Variants in NTNG1 observed in about 807,000 individuals in gnomAD.
The protein encoded by NTNG1 is netrin G1, also known as netrin-G1.
NTNG1 carries 16 observed loss-of-function variants against 54.0 expected under a neutral mutation model. The observed-to-expected ratio is 0.30, with a 90% CI of 0.20 to 0.45. NTNG1 has a LOEUF of 0.45. Among genes scored for constraint, NTNG1 ranks in the 20% least tolerant of loss-of-function variants. The pLI, the probability that NTNG1 is intolerant of heterozygous loss-of-function variation, is 1.00. For missense variants in NTNG1, 530 were observed against 678.7 expected (o/e 0.78, Z 2.43); for synonymous variants, 255 against 263.1 (o/e 0.97, Z 0.30).
intron 7 of NTNG1, among the ~76,000 whole-genome samples, chr1:107,449,003 A>C (rs767251495): frequency 6.6e-6 from 1 of 152,142 alleles, no homozygotes; most frequent in Non-Finnish European, 1.5e-5. Context: ...AGAGAACATA[A>C]AATTTGATGG....
At position 107,193,344 on chromosome 1, in the gene NTNG1, G is replaced by A. The variant is rs114250337; in HGVS notation, c.246+44505G>A. 2.2e-3 allele frequency among the ~76,000 whole-genome samples: 337 copies of A among 152,024 alleles called. 3 individuals are homozygous for A. The highest frequency in any genetic ancestry group is 7.6e-3 in the African/African-American group (314 of 41,508). On this transcript the variant is annotated intron_variant, in intron 2 of 7. Coordinates refer to ENST00000370068, the MANE Select transcript of NTNG1 (RefSeq NM_001113226.3). ...CGGTCATTTTGTGTTCTCCAAGCCT[G>A]GATTCTCATCTGCCAACTGAACACT...
chr1:107,199,279 T>A (rs76938470), intron 2 of NTNG1, among the ~76,000 whole-genome samples: 1 of 22 alleles, frequency 0.045, no homozygotes, highest in Non-Finnish European at 0.5. Context: ...TTATTACTTC[T>A]TTTTTTTTTC....
chr1:107,306,879 C>T (rs1033173388), intron 2 of NTNG1, among the ~76,000 whole-genome samples: 14 of 152,094 alleles, frequency 9.2e-5, no homozygotes, highest in African/African-American at 2.9e-4. Context: ...GGGAGTGAGA[C>T]ATAGTCTTCA....
chr1:107,189,473 G>A (rs1416982869), intron 2 of NTNG1, among the ~76,000 whole-genome samples: 1 of 149,646 alleles, frequency 6.7e-6, no homozygotes, highest in South Asian at 2.1e-4. Context: ...AAAAAAAAAG[G>A]CGGGGGAGGG....
intron 7 of NTNG1, among the ~76,000 whole-genome samples, chr1:107,479,620 T>C (rs966491795): frequency 6.6e-6 from 1 of 152,250 alleles, no homozygotes; most frequent in Non-Finnish European, 1.5e-5. Flanking sequence ...GCTCTTTTAC[T>C]CTTTGTTGTT....
At chr1:107,214,406 A>G (rs1659805778) in intron 2 of NTNG1, among the ~76,000 whole-genome samples, 1 of 152,210 alleles carries the variant, frequency 6.6e-6, no homozygotes, top group Admixed American at 6.5e-5. Flanking sequence ...CACTTAGAAT[A>G]ATGGTCTCCA....
chr1:107,172,348 C>T (rs1656312903), intron 2 of NTNG1, among the ~76,000 whole-genome samples: 6 of 152,162 alleles, frequency 3.9e-5, no homozygotes. Flanking sequence ...CAAACATCAA[C>T]TGCATATCAG....
chr1:107,388,894 C>G (rs774830026), intron 3 of NTNG1, among the ~76,000 whole-genome samples: 2 of 152,206 alleles, frequency 1.3e-5, no homozygotes, highest in African/African-American at 2.4e-5. Flanking sequence ...TAATGTATCA[C>G]TCTTTTAAAA....
At position 107,394,034 on chromosome 1, in the gene NTNG1, AAC is replaced by A. The variant is rs142695081; in HGVS notation, c.888-1103_888-1102del. On this transcript the variant is annotated intron_variant, in intron 3 of 7. Transcript: ENST00000370068. ...TTTCTCTCTCACACACACACACATAAACACACACACACACACACTGTCAATCT... is the reference window on the plus strand; with the variant it reads ...TTTCTCTCTCACACACACACACATAAACACACACACACACACTGTCAATCT... 3.0e-4 allele frequency among the ~76,000 whole-genome samples: 45 copies of A among 149,656 alleles called. 1 individual carries two copies. The highest frequency in any genetic ancestry group is 7.1e-4 in the African/African-American group (29 of 40,978).
At chr1:107,217,886 A>T (rs893441724) in intron 2 of NTNG1, among the ~76,000 whole-genome samples, 1 of 152,188 alleles carries the variant, frequency 6.6e-6, no homozygotes, top group Non-Finnish European at 1.5e-5. Context: ...ATCTTGGACA[A>T]TGTTCCATGG....
rs1164486785 is a variant in NTNG1 at position 107,482,127 on chromosome 1, C to T, written c.*1287C>T. ...TATGCCAAAGCCTGTTGGCAGAGTACTAAGAGACTTTTATTTTTAAGTCAT... is the reference window on the plus strand; with the variant it reads ...TATGCCAAAGCCTGTTGGCAGAGTATTAAGAGACTTTTATTTTTAAGTCAT... On this transcript the variant is annotated 3_prime_UTR_variant, in exon 8 of 8. Transcript: ENST00000370068. 1 of 144,782 alleles carries T rather than the reference C, an allele frequency of 6.9e-6. No individual in the cohort carries two copies. Among genetic ancestry groups the T allele is most frequent in the Non-Finnish European group, 1.5e-5 (1 of 66,682 alleles). The allele number at this position is 144,782 out of a possible 1,614,324, so 9.0% of individuals were successfully genotyped here.
At chr1:107,446,545 G>C (rs1223931316) in intron 7 of NTNG1, among the ~76,000 whole-genome samples, 2 of 152,066 alleles carry the variant, frequency 1.3e-5, no homozygotes, top group Non-Finnish European at 2.9e-5. Context: ...TGTTCAGAAT[G>C]TAGGTTTTTA....
chr1:107,391,146 C>A (rs184355889), intron 3 of NTNG1, among the ~76,000 whole-genome samples: 16 of 152,208 alleles, frequency 1.1e-4, no homozygotes, highest in Admixed American at 9.8e-4. Context: ...GAAGGCAAAG[C>A]TTGAAGAACT....
intron 7 of NTNG1, among the ~76,000 whole-genome samples, chr1:107,456,329 G>A (rs1248189733): frequency 6.6e-6 from 1 of 152,136 alleles, no homozygotes; most frequent in Non-Finnish European, 1.5e-5. Flanking sequence ...ACAAAATGAA[G>A]GCCCTTAGAT....
intron 5 of NTNG1, among the ~76,000 whole-genome samples, chr1:107,418,217 A>C (rs1389858144): frequency 5.3e-5 from 8 of 152,090 alleles, no homozygotes; most frequent in Admixed American, 5.2e-4. Flanking sequence ...TGGAATCCTC[A>C]GGTGAGAAAT....
In NTNG1 at chr1:107,484,438, T is replaced by C. The variant is rs994088920; in HGVS notation, c.*3598T>C. 6.6e-6 allele frequency among the ~76,000 whole-genome samples: 1 copy of C among 152,236 alleles called. No individual in the cohort carries two copies. Among genetic ancestry groups the C allele is most frequent in the African/African-American group, 2.4e-5 (1 of 41,468 alleles). ...AATTTAACAGTTTGTTAGCTTTATGTATGACTTTTAAATACTTAGACATGT... is the reference window on the plus strand; with the variant it reads ...AATTTAACAGTTTGTTAGCTTTATGCATGACTTTTAAATACTTAGACATGT... On this transcript the variant is annotated 3_prime_UTR_variant, in exon 8 of 8. Transcript: ENST00000370068.
intron 2 of NTNG1, among the ~76,000 whole-genome samples, chr1:107,223,017 G>A (rs1398218618): frequency 1.3e-5 from 2 of 152,010 alleles, no homozygotes; most frequent in African/African-American, 2.4e-5. Flanking sequence ...TAACTTTAGT[G>A]TGCTTTGGAA....
rs144224794 is a variant in NTNG1 at position 107,329,933 on chromosome 1, A to T, written c.887+5011A>T. On this transcript the variant is annotated intron_variant, in intron 3 of 7. Transcript: ENST00000370068. ...AAAAAAAATGATGATAATGTGGGTT[A>T]AGTGATTTTACTGTGTGAATATTCA... is the stretch of plus-strand genomic sequence containing the variant. 2.8e-4 allele frequency among the ~76,000 whole-genome samples: 43 copies of T among 152,246 alleles called. No individual in the cohort carries two copies. In the East Asian group the frequency reaches 7.9e-3, roughly 28 times the overall value.
intron 2 of NTNG1, among the ~76,000 whole-genome samples, chr1:107,210,980 C>T (rs1659562301): frequency 6.6e-6 from 1 of 152,174 alleles, no homozygotes; most frequent in Non-Finnish European, 1.5e-5. Flanking sequence ...CCTTCCTTCT[C>T]CATACTCTGC....
Sources: allele counts gnomAD v4.1 joint callset (sites outside exome capture counted in the v4.1 genomes callset), GRCh38; gene constraint gnomAD v4.1.1; transcripts MANE v1.5; gene names NCBI Gene and HGNC (gene_info 2026-07-23, HGNC 2026-07-21).